Variants in UBN2 observed in about 807,000 individuals in gnomAD.
The protein encoded by UBN2 is ubinuclein 2.
UBN2 carries 35 observed loss-of-function variants against 120.2 expected under a neutral mutation model. The ratio of observed to expected loss-of-function variants is 0.29; its 90% confidence interval spans 0.22 to 0.39. UBN2 has a LOEUF of 0.39. UBN2 is among the 10% of genes least tolerant of loss of function. UBN2 has a pLI of 1.00. For missense variants in UBN2, 1,693 were observed against 1,663.2 expected, an observed-to-expected ratio of 1.02 and a Z score of -0.31; for synonymous variants, 661 against 648.7, an observed-to-expected ratio of 1.02 and a Z score of -0.29.
At chr7:139,327,774 G>C in the UBN2 span, among the ~76,000 whole-genome samples, 1 of 152,194 alleles carries the variant, frequency 6.6e-6, no homozygotes, top group Non-Finnish European at 1.5e-5. Context: ...AGTTCAGTAA[G>C]TCCAGAATTC....
At chr7:139,269,078 G>A (rs1233613100) in intron 7 of UBN2, among the ~76,000 whole-genome samples, 4 of 151,958 alleles carry the variant, frequency 2.6e-5, no homozygotes, top group East Asian at 1.9e-4. Flanking sequence ...GCATGGTGGC[G>A]GGTGCCTGTA....
At chr7:139,319,237 C>T in the UBN2 span, among the ~76,000 whole-genome samples, 2 of 152,188 alleles carry the variant, frequency 1.3e-5, no homozygotes, top group Admixed American at 6.5e-5. Flanking sequence ...TGGGCACCAC[C>T]ATGCCTGGCT....
chr7:139,309,896 A>G (rs1464679403), downstream of UBN2, among the ~76,000 whole-genome samples: 2 of 152,246 alleles, frequency 1.3e-5, no homozygotes, highest in East Asian at 3.8e-4. Context: ...GCATTAGAAA[A>G]TATACAAAAG....
chr7:139,257,096 TA>T (rs1230255516), intron 3 of UBN2, among the ~76,000 whole-genome samples: 7 of 152,222 alleles, frequency 4.6e-5, no homozygotes, highest in Non-Finnish European at 1.0e-4. Flanking sequence ...AGGTAACAGA[TA>T]TCTTTCTACA....
Position 139,231,870 on chromosome 7 carries a change from T to A in UBN2, c.386T>A (p.Leu129Gln). ...PPRPPRETVRLELVLKDPTDE... is the reference protein window; with the variant it reads ...PPRPPRETVRQELVLKDPTDE... ...CGGCCGCCGAGGGAGACGGTGCGCC[T>A]GGAGCTGGTGCTTAAGGACCCCACC... The change falls in exon 1 of 18, where the codon CTG (leucine) becomes CAG (glutamine). Residue 129 changes from leucine (L) to glutamine (Q), a missense_variant. By Grantham distance (113) the Leu-to-Gln change is moderately radical. This residue lies in a region of UBN2 where 663 missense variants were observed against 591.2 expected (regional missense o/e 1.12). Coordinates refer to ENST00000473989, the MANE Select transcript of UBN2 (RefSeq NM_173569.4). 6.4e-7 allele frequency: 1 copy of A among 1,570,292 alleles called. No individual in the cohort carries two copies. The highest frequency in any genetic ancestry group is 8.6e-7 in the Non-Finnish European group (1 of 1,164,714).
chr7:139,329,020 AGGATCACTTGAGC>A, the UBN2 span, among the ~76,000 whole-genome samples: 13 of 152,114 alleles, frequency 8.5e-5, no homozygotes, highest in African/African-American at 3.1e-4. Context: ...CTGAGATGGG[AGGATCACTTGAGC>A]CCAGGCATTT....
chr7:139,298,027 C>G lies in UBN2; in HGVS notation c.*191C>G, dbSNP rs554065894. ...AAGCCAGGTGCAGGAGGAAGAAATG[C>G]TTTTGTGCAAAGTTAGTGACCTTTG... is the stretch of plus-strand genomic sequence containing the variant. On this transcript the variant is annotated 3_prime_UTR_variant, in exon 18 of 18. Coordinates refer to ENST00000473989, the MANE Select transcript of UBN2 (RefSeq NM_173569.4). The G allele has an allele frequency of 3.4e-6, 2 of 594,516 alleles. No individual in the cohort carries two copies. The highest frequency in any genetic ancestry group is 3.7e-5 in the African/African-American group (2 of 53,906). The allele number at this position is 594,516 out of a possible 1,614,324, so 36.8% of individuals were successfully genotyped here. A position where few individuals can be genotyped will look rare whatever the true frequency, so the allele number is the denominator to read the frequency against.
At chr7:139,240,139 A>G (rs1241268776) in intron 2 of UBN2, among the ~76,000 whole-genome samples, 1 of 152,106 alleles carries the variant, frequency 6.6e-6, no homozygotes. Flanking sequence ...TACTCTTGTT[A>G]TAGTCTAAAT....
At position 139,293,340 on chromosome 7, in the gene UBN2, C is replaced by G. The variant is rs750194605; in HGVS notation, c.3778C>G (p.Leu1260Val). 1 of 1,614,186 alleles carries G rather than the reference C, an allele frequency of 6.2e-7. No homozygotes were observed. Among genetic ancestry groups the G allele is most frequent in the East Asian group, 2.2e-5 (1 of 44,880 alleles). ...NVTPFGMLGG[L>V]VPVTMPFQFP... ...GACTCCTTTTGGGATGCTGGGTGGC[C>G]TTGTTCCAGTGACCATGCCCTTCCA... The change falls in exon 16 of 18, where the codon CTT (leucine) becomes GTT (valine). Residue 1260 changes from leucine to valine, a missense_variant. Physicochemically the swap from Leu to Val is conservative, Grantham distance 32. Around this residue, in one of 5 missense-constraint regions of UBN2, gnomAD observed 837 missense variants for 817.6 expected, o/e 1.02. Coordinates refer to ENST00000473989, the MANE Select transcript of UBN2 (RefSeq NM_173569.4).
At chr7:139,326,578 C>T in the UBN2 span, among the ~76,000 whole-genome samples, 1 of 152,214 alleles carries the variant, frequency 6.6e-6, no homozygotes, top group Admixed American at 6.5e-5. Context: ...GCTCTGATTT[C>T]CTTAGCACCT....
intron 15 of UBN2, among the ~76,000 whole-genome samples, chr7:139,290,931 A>G (rs1797936650): frequency 2.6e-5 from 4 of 152,244 alleles, no homozygotes; most frequent in Admixed American, 2.0e-4. Context: ...GTACCCCACC[A>G]GAAGCAAAAG....
At chr7:139,284,923 A>G (rs1410887801) in intron 15 of UBN2, among the ~76,000 whole-genome samples, 1 of 152,200 alleles carries the variant, frequency 6.6e-6, no homozygotes, top group Non-Finnish European at 1.5e-5. Flanking sequence ...CTCTCTTATC[A>G]AAGTCCAGAA....
chr7:139,270,036 C>T (rs749118374), intron 8 of UBN2, among the ~76,000 whole-genome samples: 3 of 152,106 alleles, frequency 2.0e-5, no homozygotes, highest in Non-Finnish European at 4.4e-5. Context: ...TCTTGAATCC[C>T]TGGCATGTTT....
the UBN2 span, chr7:139,315,373 T>A: frequency 1.3e-5 from 2 of 152,238 alleles, no homozygotes; most frequent in African/African-American, 4.8e-5. Context: ...AGTTTTAGTA[T>A]ATGTGCCGCT....
Position 139,297,857 on chromosome 7 carries a change from A to G in UBN2, c.*21A>G, listed in dbSNP as rs1159218629. 1.2e-6 allele frequency: 2 copies of G among 1,613,924 alleles called. No individual in the cohort carries two copies. Among genetic ancestry groups the G allele is most frequent in the African/African-American group, 1.3e-5 (1 of 75,036 alleles). ...AGTGACTGCCCAGCAAGCAAAGGAG[A>G]CGAAATGTTTAGTTGACTGATGGAA... On this transcript the variant is annotated 3_prime_UTR_variant, in exon 18 of 18. Transcript: ENST00000473989.
At chr7:139,329,745 G>A in the UBN2 span, among the ~76,000 whole-genome samples, 1 of 151,864 alleles carries the variant, frequency 6.6e-6, no homozygotes, top group African/African-American at 2.4e-5. Flanking sequence ...CAAAATGAGG[G>A]CCAAACCCTT....
chr7:139,284,375 C>T lies in UBN2; in HGVS notation c.3470C>T (p.Thr1157Ile), dbSNP rs1797716747. Residue 1157 changes from threonine to isoleucine, a missense_variant, in exon 15 of 18, where the codon ACT (threonine) becomes ATT (isoleucine). Transcript: ENST00000473989. ...SKLTNSSSTGTVGKNSLSGIA... is the reference protein window; with the variant it reads ...SKLTNSSSTGIVGKNSLSGIA... ...CTAACAAACTCATCATCCACTGGAA[C>T]TGTTGGGAAGAACAGCTTGAGTGGA... 6.2e-7 allele frequency: 1 copy of T among 1,614,208 alleles called. No homozygotes were observed. Among genetic ancestry groups the T allele is most frequent in the Non-Finnish European group, 8.5e-7 (1 of 1,180,032 alleles).
chr7:139,315,119 T>G, the UBN2 span, among the ~76,000 whole-genome samples: 6 of 151,938 alleles, frequency 3.9e-5, no homozygotes, highest in South Asian at 1.2e-3. Flanking sequence ...GGGAGTACAG[T>G]TGCCCACCAC....
At chr7:139,243,942 G>A (rs1796390447) in intron 2 of UBN2, among the ~76,000 whole-genome samples, 1 of 152,136 alleles carries the variant, frequency 6.6e-6, no homozygotes, top group African/African-American at 2.4e-5. Flanking sequence ...CAAATGAGGA[G>A]GAGTTCAAAA....
Sources: gnomAD v4.1 joint callset for allele counts (sites outside exome capture counted in the v4.1 genomes callset) on GRCh38, gnomAD v4.1.1 for gene constraint, gnomAD v4.1.1 regional missense constraint, MANE v1.5 for transcripts, NCBI Gene and HGNC (gene_info 2026-07-23, HGNC 2026-07-21) for gene names.